The following POLK variants were observed in gnomAD, a reference collection of about 807,000 sequenced individuals.
POLK encodes the protein polymerase (DNA directed) kappa.
POLK carries 76 observed loss-of-function variants against 94.0 expected under a neutral mutation model. That is an observed-to-expected ratio of 0.81 (90% CI 0.67 to 0.98). POLK has a LOEUF of 0.98. POLK is among the 50% of genes least tolerant of loss of function. The pLI is 0.00. For synonymous variants in POLK, 349 were observed against 325.4 expected (o/e 1.07, Z -0.78); for missense variants, 954 against 1,010.1 (o/e 0.94, Z 0.75).
At position 75,584,877 on chromosome 5, in the gene POLK, C is replaced by T. The variant is rs1345988580; in HGVS notation, c.1177C>T (p.His393Tyr). 5 of 1,606,840 alleles carry T rather than the reference C, an allele frequency of 3.1e-6. No homozygotes were observed. In the Admixed American group the frequency reaches 6.7e-5, roughly 22 times the overall value. Residue 393 changes from histidine (H) to tyrosine (Y), a missense_variant, in exon 9 of 15, where the codon CAT becomes TAT. His to Tyr is a moderately conservative substitution (Grantham distance 83). Coordinates refer to ENST00000241436, the Ensembl canonical transcript of POLK. ...TCTCCTTTTCTCTGAAACATCTTGG[C>T]ATTATTTCCTTCATATCTCCTTGGG...
chr5:75,543,286 CA>C (rs1309174363), intron 1 of POLK, among the ~76,000 whole-genome samples: 3 of 152,092 alleles, frequency 2.0e-5, no homozygotes, highest in African/African-American at 4.8e-5. Flanking sequence ...GTGATCCACC[CA>C]CCTCGGCCTC....
At chr5:75,596,239 T>G in exon 13 of POLK, 1 of 1,588,808 alleles carries the variant, frequency 6.3e-7, no homozygotes, top group Non-Finnish European at 8.6e-7. Flanking sequence ...GATATCTAGT[T>G]TTCCCAATGA....
intron 1 of POLK, among the ~76,000 whole-genome samples, chr5:75,518,813 G>T (rs1352163606): frequency 1.3e-5 from 2 of 152,070 alleles, no homozygotes; most frequent in Non-Finnish European, 1.5e-5. Flanking sequence ...GGTATTTTGT[G>T]TTTCCATTGT....
exon 15 of POLK, chr5:75,598,797 A>G (rs1773211482): frequency 6.6e-6 from 1 of 152,164 alleles, no homozygotes; most frequent in Non-Finnish European, 1.5e-5. Context: ...GTGTAATTCA[A>G]AAGATTAATG....
At chr5:75,523,284 A>G (rs1357142809) in intron 1 of POLK, among the ~76,000 whole-genome samples, 1 of 152,198 alleles carries the variant, frequency 6.6e-6, no homozygotes, top group Non-Finnish European at 1.5e-5. Context: ...GAAATACCTA[A>G]AGTATTAAAA....
rs1302778963 is a variant in POLK at position 75,524,542 on chromosome 5, T to G, written c.-14+12628T>G. On this transcript the variant is annotated intron_variant, in intron 1 of 14. Coordinates refer to ENST00000241436, the Ensembl canonical transcript of POLK. ...GAAGTAAATTACGTATAAGTTTATTTGCTTTTAAATTTTTGAGAAACTTCT... is the reference window on the plus strand; with the variant it reads ...GAAGTAAATTACGTATAAGTTTATTGGCTTTTAAATTTTTGAGAAACTTCT... 3.3e-5 allele frequency among the ~76,000 whole-genome samples: 5 copies of G among 152,288 alleles called. No homozygotes were observed. The East Asian group carries it at 5.8e-4, about 18-fold the overall frequency.
At chr5:75,569,572 T>C (rs1771477839) in intron 4 of POLK, 80 bp downstream of exon 4, 15 of 1,203,958 alleles carry the variant, frequency 1.2e-5, no homozygotes. Flanking sequence ...GGGGAATTCT[T>C]TATTGAGGTC....
At chr5:75,530,829 T>C (rs1036238552) in intron 1 of POLK, among the ~76,000 whole-genome samples, 4 of 148,812 alleles carry the variant, frequency 2.7e-5, no homozygotes, top group African/African-American at 7.4e-5. Context: ...TTTTTTTGAG[T>C]TGGAGTCTCG....
chr5:75,552,634 G>A, intron 3 of POLK, 43 bp downstream of exon 3: 1 of 1,514,454 alleles, frequency 6.6e-7, no homozygotes, highest in Non-Finnish European at 9.0e-7. Context: ...TGGTAGAATA[G>A]TAATTGACAG....
intron 12 of POLK, among the ~76,000 whole-genome samples, chr5:75,594,269 CTTA>C (rs1430062066): frequency 1.3e-5 from 2 of 152,288 alleles, no homozygotes; most frequent in East Asian, 3.9e-4. Flanking sequence ...TGTAAATTGA[CTTA>C]TTATGTTTTC....
In POLK at chr5:75,547,010, A is replaced by G. The variant is rs751080210; in HGVS notation, c.-13A>G. Reference sequence around the variant, plus strand: ...AGTGTTTATCTTTATGCTTTTTCAGATAAGTTTATACCATGGATAGCACAA... The same window carrying G: ...AGTGTTTATCTTTATGCTTTTTCAGGTAAGTTTATACCATGGATAGCACAA... On this transcript the variant is annotated splice_region_variant and 5_prime_UTR_variant, in exon 2 of 15. Coordinates refer to ENST00000241436, the Ensembl canonical transcript of POLK. The G allele has an allele frequency of 9.5e-5, 137 of 1,444,702 alleles. 1 individual carries two copies. The highest frequency in any genetic ancestry group is 1.2e-4 in the Non-Finnish European group (126 of 1,075,356). The allele number at this position is 1,444,702 out of a possible 1,614,324, so 89.5% of individuals were successfully genotyped here. A position where few individuals can be genotyped will look rare whatever the true frequency, so the allele number is the denominator to read the frequency against.
At chr5:75,558,388 T>C (rs1770756304) in intron 3 of POLK, among the ~76,000 whole-genome samples, 1 of 152,182 alleles carries the variant, frequency 6.6e-6, no homozygotes, top group South Asian at 2.1e-4. Flanking sequence ...ATGTTTTTCT[T>C]AAATGGTGTT....
chr5:75,556,852 A>G (rs1180729904), intron 3 of POLK, among the ~76,000 whole-genome samples: 2 of 152,102 alleles, frequency 1.3e-5, no homozygotes, highest in Non-Finnish European at 2.9e-5. Flanking sequence ...GCTTGAGCCC[A>G]GGGGTTCAGG....
intron 8 of POLK, 22 bp from the exon 9 acceptor site, chr5:75,584,738 A>G (rs891644538): frequency 2.2e-6 from 3 of 1,338,580 alleles, no homozygotes; most frequent in Admixed American, 4.8e-5. Context: ...TCTATTAATA[A>G]TAAATATTGA....
chr5:75,535,405 G>A (rs1290994139), intron 1 of POLK, among the ~76,000 whole-genome samples: 2 of 152,084 alleles, frequency 1.3e-5, no homozygotes, highest in Admixed American at 1.3e-4. Context: ...TTCAGACCGT[G>A]GAGACTCTGA....
chr5:75,573,869 G>C, exon 5 of POLK: 5 of 1,613,118 alleles, frequency 3.1e-6, no homozygotes, highest in Non-Finnish European at 4.2e-6. Context: ...TGAGTAAAGA[G>C]GTAAGTTAAT....
intron 3 of POLK, among the ~76,000 whole-genome samples, chr5:75,561,116 T>C (rs1323043229): frequency 6.6e-6 from 1 of 152,172 alleles, no homozygotes; most frequent in Non-Finnish European, 1.5e-5. Flanking sequence ...TTGAACTAAT[T>C]TACACTCCCA....
chr5:75,570,267 C>A (rs2112765455), intron 4 of POLK, among the ~76,000 whole-genome samples: 1 of 152,186 alleles, frequency 6.6e-6, no homozygotes, highest in Admixed American at 6.5e-5. Context: ...CTAATAATTT[C>A]CATGGCAAAT....
chr5:75,511,871 C>G lies in POLK; in HGVS notation c.-57C>G. 6.6e-7 allele frequency: 1 copy of G among 1,515,230 alleles called. No homozygotes were observed. Among genetic ancestry groups the G allele is most frequent in the Non-Finnish European group, 8.9e-7 (1 of 1,121,458 alleles). The allele number at this position is 1,515,230 out of a possible 1,614,324, so 93.9% of individuals were successfully genotyped here. ...CTGGGAAGGGCGTTGGTCCGTCGCT[C>G]GCGCAGCCTCCTGGGAGTTGTAGTC... is the stretch of plus-strand genomic sequence containing the variant. On this transcript the variant is annotated 5_prime_UTR_variant, in exon 1 of 15. Coordinates refer to ENST00000241436, the Ensembl canonical transcript of POLK.
Sources: allele counts gnomAD v4.1 joint callset (sites outside exome capture counted in the v4.1 genomes callset), GRCh38; gene constraint gnomAD v4.1.1; transcripts MANE v1.5; gene names NCBI Gene and HGNC (gene_info 2026-07-23, HGNC 2026-07-21).